Variants in SPOCK1 observed in about 807,000 individuals in gnomAD.
SPOCK1 encodes the protein testican-1.
In SPOCK1, 23 loss-of-function variants were observed where a neutral mutation model predicts 55.3. That is an observed-to-expected ratio of 0.42 (90% CI 0.30 to 0.59). The LOEUF (loss-of-function observed/expected upper bound fraction) is 0.59. Ranked by LOEUF, SPOCK1 falls within the 20% of genes least tolerant of loss-of-function variation. SPOCK1 has a pLI of 0.22. For synonymous variants in SPOCK1, 226 were observed against 221.0 expected (o/e 1.02, Z -0.20); for missense variants, 499 against 552.5 (o/e 0.90, Z 0.97).
At chr5:137,190,344 T>C (rs1755156025) in intron 3 of SPOCK1, among the ~76,000 whole-genome samples, 1 of 152,104 alleles carries the variant, frequency 6.6e-6, no homozygotes, top group Non-Finnish European at 1.5e-5. Flanking sequence ...ACCCCAACAT[T>C]TAGCAACCAC....
chr5:137,469,824 T>C (rs1177291481), intron 2 of SPOCK1, among the ~76,000 whole-genome samples: 2 of 152,158 alleles, frequency 1.3e-5, no homozygotes, highest in East Asian at 1.9e-4. Flanking sequence ...AATGCCTTCA[T>C]TGGCCACCCC....
In SPOCK1 at chr5:137,112,519, A is replaced by C. The variant is rs17170968; in HGVS notation, c.390T>G (p.Pro130=). The C allele has an allele frequency of 2.5e-6, 4 of 1,613,604 alleles. No individual in the cohort carries two copies. Among genetic ancestry groups the C allele is most frequent in the Non-Finnish European group, 3.4e-6 (4 of 1,179,998 alleles). ...GNVAQKHWVG[P]SNLVKCKPCP... is the part of the protein sequence containing the mutation. ...AGGGCTTGCACTTGACCAAATTCGA[A>C]GGTCCAACCCAGTGTTTCTGGGCCA... is the stretch of plus-strand genomic sequence containing the variant. The change falls in exon 5 of 11, where the codon CCT becomes CCG. Residue 130 remains proline, a synonymous_variant. Transcript: ENST00000394945.
At chr5:137,141,105 C>G (rs1754089173) in intron 3 of SPOCK1, among the ~76,000 whole-genome samples, 1 of 152,142 alleles carries the variant, frequency 6.6e-6, no homozygotes, top group Non-Finnish European at 1.5e-5. Context: ...AGTAAACCAA[C>G]CATGTGTTTG....
chr5:137,058,946 T>G (rs1752346477), intron 6 of SPOCK1, among the ~76,000 whole-genome samples: 1 of 152,328 alleles, frequency 6.6e-6, no homozygotes, highest in South Asian at 2.1e-4. Context: ...CCAGAGCATG[T>G]TGCCTTGCAG....
intron 6 of SPOCK1, among the ~76,000 whole-genome samples, chr5:137,044,958 ACAAAGGACATGAACTCATCATT>A (rs1392415425): frequency 1.4e-5 from 2 of 139,822 alleles, no homozygotes; most frequent in African/African-American, 5.4e-5. Flanking sequence ...CCATGTCCCT[ACAAAGGACATGAACTCATCATT>A]TTTTATGGCT....
intron 2 of SPOCK1, among the ~76,000 whole-genome samples, chr5:137,462,160 G>A (rs1208390605): frequency 6.6e-6 from 1 of 152,224 alleles, no homozygotes; most frequent in African/African-American, 2.4e-5. Context: ...CCACCAGGAG[G>A]CCACATCTGG....
chr5:137,372,601 T>A (rs543521764), intron 2 of SPOCK1, among the ~76,000 whole-genome samples: 2 of 152,298 alleles, frequency 1.3e-5, no homozygotes, highest in South Asian at 2.1e-4. Context: ...CAAAAAATGG[T>A]CTAGCACTGT....
At chr5:137,356,830 TATATATATAGAG>T (rs1420915479) in intron 2 of SPOCK1, among the ~76,000 whole-genome samples, 5 of 11,988 alleles carry the variant, frequency 4.2e-4, no homozygotes, top group African/African-American at 1.0e-3. Flanking sequence ...TATATATATA[TATATATATAGAG>T]AGAGAGAGAG....
chr5:137,429,224 G>A (rs937096973), intron 2 of SPOCK1, among the ~76,000 whole-genome samples: 1 of 152,118 alleles, frequency 6.6e-6, no homozygotes, highest in East Asian at 1.9e-4. Flanking sequence ...CTGTGTCTCT[G>A]GAAATAGACG....
intron 6 of SPOCK1, among the ~76,000 whole-genome samples, chr5:137,052,128 C>G (rs943106508): frequency 2.0e-5 from 3 of 152,200 alleles, no homozygotes; most frequent in African/African-American, 7.2e-5. Flanking sequence ...GGAGCTCTAG[C>G]AGACATCTTG....
At chr5:137,182,072 A>G (rs1865407) in intron 3 of SPOCK1, among the ~76,000 whole-genome samples, 130,241 of 152,224 alleles carry the variant, frequency 0.86, 55,813 homozygotes, top group Middle Eastern at 0.88. Context: ...AAAGAGATCA[A>G]GGCCTCTTTC....
intron 2 of SPOCK1, among the ~76,000 whole-genome samples, chr5:137,311,186 A>G (rs770959485): frequency 3.9e-5 from 6 of 152,196 alleles, no homozygotes; most frequent in Non-Finnish European, 8.8e-5. Flanking sequence ...TCTTTTCCCC[A>G]TTGGCTTCAG....
chr5:137,260,510 A>T (rs1316005419), intron 3 of SPOCK1, among the ~76,000 whole-genome samples: 1 of 152,258 alleles, frequency 6.6e-6, no homozygotes, highest in Non-Finnish European at 1.5e-5. Context: ...ACATAAAAAC[A>T]TAAGGACATG....
intron 3 of SPOCK1, among the ~76,000 whole-genome samples, chr5:137,265,532 C>T (rs976928264): frequency 1.3e-5 from 2 of 152,084 alleles, no homozygotes; most frequent in Non-Finnish European, 2.9e-5. Context: ...AAGTTTTATC[C>T]TATTAAAAAG....
At chr5:137,176,137 C>A (rs531160144) in intron 3 of SPOCK1, among the ~76,000 whole-genome samples, 1 of 152,304 alleles carries the variant, frequency 6.6e-6, no homozygotes, top group South Asian at 2.1e-4. Context: ...AAACTACCAA[C>A]CCTCTTGCTT....
intron 9 of SPOCK1, among the ~76,000 whole-genome samples, chr5:136,981,374 TCTG>T (rs1356751789): frequency 6.6e-6 from 1 of 152,234 alleles, no homozygotes; most frequent in Non-Finnish European, 1.5e-5. Flanking sequence ...TTCACTGTTG[TCTG>T]CTTTCATCTT....
chr5:137,426,924 A>T (rs944470368), intron 2 of SPOCK1, among the ~76,000 whole-genome samples: 3 of 152,164 alleles, frequency 2.0e-5, no homozygotes, highest in African/African-American at 7.2e-5. Flanking sequence ...TGGTCCACCA[A>T]CCATTCACAT....
chr5:137,058,378 G>T (rs1020259332), intron 6 of SPOCK1, among the ~76,000 whole-genome samples: 28 of 152,166 alleles, frequency 1.8e-4, no homozygotes, highest in Non-Finnish European at 7.3e-5. Flanking sequence ...CTGTTAGGGG[G>T]ATTAAACATA....
At chr5:137,262,019 A>C (rs1280670097) in intron 3 of SPOCK1, among the ~76,000 whole-genome samples, 1 of 152,224 alleles carries the variant, frequency 6.6e-6, no homozygotes, top group Non-Finnish European at 1.5e-5. Context: ...CAGTGCACAA[A>C]AAATCCTTTT....
Sources: allele counts gnomAD v4.1 joint callset (sites outside exome capture counted in the v4.1 genomes callset), GRCh38; gene constraint gnomAD v4.1.1; transcripts MANE v1.5; gene names NCBI Gene and HGNC (gene_info 2026-07-23, HGNC 2026-07-21).